Variants in CDC42SE2 observed in about 807,000 individuals in gnomAD.
CDC42SE2 encodes CDC42 small effector 2, also known as CDC42 small effector protein 2.
A neutral mutation model predicts 11.5 loss-of-function variants in CDC42SE2; 3 were observed. The observed-to-expected ratio is 0.26, with a 90% CI of 0.12 to 0.67. The LOEUF (loss-of-function observed/expected upper bound fraction) is 0.67. Ranked by LOEUF, CDC42SE2 falls within the 30% of genes least tolerant of loss-of-function variation. The pLI is 0.80. For synonymous variants in CDC42SE2, 33 were observed against 34.8 expected, an observed-to-expected ratio of 0.95 and a Z score of 0.18; for missense variants, 82 against 106.8, an observed-to-expected ratio of 0.77 and a Z score of 1.02.
the CDC42SE2 span, among the ~76,000 whole-genome samples, chr5:131,228,518 T>G: frequency 6.6e-6 from 1 of 152,236 alleles, no homozygotes; most frequent in African/African-American, 2.4e-5. Context: ...TGTGAGTTAC[T>G]CAAGGCTCTG....
intron 1 of CDC42SE2, among the ~76,000 whole-genome samples, chr5:131,252,059 T>TGGAAGGAAGGAAGGAA (rs60052435): frequency 0.022 from 2,564 of 118,012 alleles, 66 homozygotes; most frequent in Admixed American, 0.029. Flanking sequence ...AGAGAATGAG[T>TGGAAGGAAGGAAGGAA]GGAAGGAAGG....
At chr5:131,325,714 C>G (rs570958727) in intron 2 of CDC42SE2, among the ~76,000 whole-genome samples, 1 of 152,282 alleles carries the variant, frequency 6.6e-6, no homozygotes, top group Admixed American at 6.5e-5. Flanking sequence ...GTTATATGAT[C>G]AGTAATTAAC....
chr5:131,246,730 A>G (rs1389251704), intron 1 of CDC42SE2, among the ~76,000 whole-genome samples: 2 of 136,908 alleles, frequency 1.5e-5, no homozygotes, highest in Non-Finnish European at 3.2e-5. Context: ...CTCTTTTCTT[A>G]TCTTCCATAC....
At chr5:131,264,624 C>G (rs1756817384) in intron 1 of CDC42SE2, among the ~76,000 whole-genome samples, 1 of 152,206 alleles carries the variant, frequency 6.6e-6, no homozygotes, top group Admixed American at 6.5e-5. Context: ...TCCGACTCTT[C>G]GCCTGAGGCG....
At chr5:131,290,816 A>G (rs1224185262) in intron 1 of CDC42SE2, among the ~76,000 whole-genome samples, 1 of 152,066 alleles carries the variant, frequency 6.6e-6, no homozygotes, top group Non-Finnish European at 1.5e-5. Context: ...CGTAGTTTTT[A>G]TAGTACTTTA....
At chr5:131,289,682 A>G (rs543134526) in intron 1 of CDC42SE2, among the ~76,000 whole-genome samples, 89 of 152,196 alleles carry the variant, frequency 5.8e-4, no homozygotes, top group Middle Eastern at 3.4e-3. Flanking sequence ...CAAAAAAAAA[A>G]AAAAGAGTTT....
chr5:131,288,775 C>G (rs1488531488), intron 1 of CDC42SE2, among the ~76,000 whole-genome samples: 2 of 152,190 alleles, frequency 1.3e-5, no homozygotes, highest in South Asian at 4.1e-4. Context: ...GAGATACCTA[C>G]TGACTACTTT....
intron 1 of CDC42SE2, among the ~76,000 whole-genome samples, chr5:131,253,738 C>G (rs957276349): frequency 1.3e-5 from 2 of 151,994 alleles, no homozygotes; most frequent in African/African-American, 4.8e-5. Context: ...GCACTCCAGC[C>G]TGGGCAACAA....
intron 2 of CDC42SE2, among the ~76,000 whole-genome samples, chr5:131,327,497 C>T (rs939158400): frequency 6.6e-6 from 1 of 151,926 alleles, no homozygotes; most frequent in African/African-American, 2.4e-5. Context: ...TTTATGTGAC[C>T]CTCTGAGGCT....
chr5:131,295,787 A>C (rs1757559369), intron 1 of CDC42SE2, among the ~76,000 whole-genome samples: 1 of 150,802 alleles, frequency 6.6e-6, no homozygotes, highest in Non-Finnish European at 1.5e-5. Context: ...GGTTCACGCC[A>C]TTCTCCTGCC....
chr5:131,286,408 T>TA (rs1554095535), intron 1 of CDC42SE2, among the ~76,000 whole-genome samples: 21 of 149,074 alleles, frequency 1.4e-4, no homozygotes, highest in African/African-American at 4.2e-4. Context: ...TTTTTTTTTT[T>TA]AAATAAAGCA....
chr5:131,359,738 A>G (rs1333188158), intron 3 of CDC42SE2, among the ~76,000 whole-genome samples, 191 bp downstream of exon 3: 1 of 152,244 alleles, frequency 6.6e-6, no homozygotes, highest in Non-Finnish European at 1.5e-5. Context: ...CTGTATGTCA[A>G]GAACTCTCCT....
intron 1 of CDC42SE2, among the ~76,000 whole-genome samples, chr5:131,252,411 T>G (rs1756647568): frequency 1.3e-5 from 2 of 152,202 alleles, no homozygotes; most frequent in Admixed American, 1.3e-4. Flanking sequence ...CCCAGCACTT[T>G]GGGAGGCCGA....
At chr5:131,308,951 T>A (rs1181642609) in intron 1 of CDC42SE2, among the ~76,000 whole-genome samples, 2 of 150,544 alleles carry the variant, frequency 1.3e-5, no homozygotes, top group South Asian at 4.2e-4. Flanking sequence ...TTCTCCTGCC[T>A]AATTGCCCTG....
At chr5:131,280,463 G>A (rs1186966754) in intron 1 of CDC42SE2, among the ~76,000 whole-genome samples, 1 of 152,098 alleles carries the variant, frequency 6.6e-6, no homozygotes, top group Admixed American at 6.6e-5. Context: ...CAGTTTGAAA[G>A]GGTCATATTG....
chr5:131,368,802 A>G lies in CDC42SE2; in HGVS notation c.54+9255A>G, dbSNP rs1329979889. ...ATTTTGAAGCCAAATCTGAGACATT[A>G]TATCATTTTGTCCATAAATATTTCA... is the stretch of plus-strand genomic sequence containing the variant. On this transcript the variant is annotated intron_variant, in intron 3 of 4. Transcript: ENST00000505065. Among the ~76,000 whole-genome samples, 2 of 152,210 alleles carry G rather than the reference A, an allele frequency of 1.3e-5. 1 individual carries two copies. Among genetic ancestry groups the G allele is most frequent in the Admixed American group, 1.3e-4 (2 of 15,280 alleles).
chr5:131,327,321 A>G (rs556623225), intron 2 of CDC42SE2, among the ~76,000 whole-genome samples: 8 of 152,278 alleles, frequency 5.3e-5, no homozygotes, highest in African/African-American at 1.9e-4. Flanking sequence ...CTGACTCCCC[A>G]TCCCCAGTGA....
At chr5:131,351,992 A>G (rs1193901722) in intron 2 of CDC42SE2, among the ~76,000 whole-genome samples, 1 of 152,222 alleles carries the variant, frequency 6.6e-6, no homozygotes, top group Non-Finnish European at 1.5e-5. Flanking sequence ...AGGTTGGAAC[A>G]TATTTACCCA....
chr5:131,350,748 G>T (rs1758988515), intron 2 of CDC42SE2, among the ~76,000 whole-genome samples: 1 of 151,640 alleles, frequency 6.6e-6, no homozygotes, highest in East Asian at 1.9e-4. Context: ...AAATTAACAA[G>T]CTGATTCTAA....
Sources: allele counts gnomAD v4.1 joint callset (sites outside exome capture counted in the v4.1 genomes callset), GRCh38; gene constraint gnomAD v4.1.1; transcripts MANE v1.5; gene names NCBI Gene and HGNC (gene_info 2026-07-23, HGNC 2026-07-21).